The following ANK3 variants were observed in gnomAD, a reference collection of about 807,000 sequenced individuals.
ANK3 encodes ankyrin 3.
ANK3 carries 57 observed loss-of-function variants against 370.9 expected under a neutral mutation model. That is an observed-to-expected ratio of 0.15 (90% CI 0.12 to 0.19). The LOEUF is 0.19. ANK3 is among the 10% of genes least tolerant of loss of function. ANK3 has a pLI of 1.00. For missense variants in ANK3, 4,439 were observed against 5,302.1 expected, an observed-to-expected ratio of 0.84 and a Z score of 5.06; for synonymous variants, 1,929 against 1,946.3, an observed-to-expected ratio of 0.99 and a Z score of 0.23.
chr10:60,688,425 G>A (rs751323454), intron 1 of ANK3, among the ~76,000 whole-genome samples: 1 of 152,124 alleles, frequency 6.6e-6, no homozygotes, highest in Non-Finnish European at 1.5e-5. Flanking sequence ...AGTTAGATCT[G>A]CCATACATTG....
chr10:60,086,630 A>T, intron 30 of ANK3, 47 bp downstream of exon 30: 1 of 1,489,242 alleles, frequency 6.7e-7, no homozygotes, highest in Non-Finnish European at 9.2e-7. Context: ...ATCTTTGTAC[A>T]CAATCTTTGT....
intron 2 of ANK3, among the ~76,000 whole-genome samples, chr10:60,549,223 G>A (rs1022824746): frequency 6.6e-6 from 1 of 151,488 alleles, no homozygotes; most frequent in Non-Finnish European, 1.5e-5. Context: ...TGGTTTTCCA[G>A]GAAATGTTAG....
intron 25 of ANK3, among the ~76,000 whole-genome samples, chr10:60,131,421 A>T (rs977938345): frequency 2.0e-5 from 3 of 152,164 alleles, no homozygotes; most frequent in Admixed American, 6.5e-5. Flanking sequence ...TTATCAACTT[A>T]AAGTTTATTT....
intron 1 of ANK3, among the ~76,000 whole-genome samples, chr10:60,698,653 C>T (rs2079500165): frequency 7.0e-6 from 1 of 143,614 alleles, no homozygotes; most frequent in African/African-American, 2.6e-5. Context: ...ATCGCAAGAA[C>T]AAAAAACCAA....
Position 60,068,886 on chromosome 10 carries a change from A to T in ANK3, c.11995T>A (p.Tyr3999Asn), listed in dbSNP as rs2082132546. ...LKEVCKHSIE[Y>N]FKGISGETLK... ...GTCTCACCACTAATTCCCTTAAAAT[A>T]TTCAATGGAATGTTTACATACTTCC... The change falls in exon 37 of 44, where the codon TAT (tyrosine) becomes AAT (asparagine). Residue 3999 changes from tyrosine (Y) to asparagine (N), a missense_variant. Physicochemically the swap from Tyr to Asn is moderately radical, Grantham distance 143. Transcript: ENST00000280772. 1 of 1,614,022 alleles carries T rather than the reference A, an allele frequency of 6.2e-7. No individual in the cohort carries two copies. Among genetic ancestry groups the T allele is most frequent in the African/African-American group, 1.3e-5 (1 of 74,908 alleles).
intron 1 of ANK3, among the ~76,000 whole-genome samples, chr10:60,305,418 C>A (rs1001534220): frequency 6.6e-6 from 1 of 151,242 alleles, no homozygotes; most frequent in Non-Finnish European, 1.5e-5. Context: ...TCCACCGAGA[C>A]CTCCCCTAGG....
intron 28 of ANK3, among the ~76,000 whole-genome samples, chr10:60,102,427 T>C (rs970090739): frequency 2.0e-5 from 3 of 152,148 alleles, no homozygotes; most frequent in African/African-American, 7.2e-5. Context: ...ATCCTCACTT[T>C]ACACATTTAA....
chr10:60,422,857 C>T (rs370215926), intron 2 of ANK3, among the ~76,000 whole-genome samples: 3 of 152,100 alleles, frequency 2.0e-5, no homozygotes, highest in Admixed American at 6.6e-5. Context: ...AGTTTTAAAA[C>T]GTGAAAATTT....
At position 60,085,210 on chromosome 10, in the gene ANK3, A is replaced by T; in HGVS notation, c.3792T>A (p.Thr1264=). The T allele has an allele frequency of 6.2e-7, 1 of 1,613,384 alleles. No individual in the cohort carries two copies. The highest frequency in any genetic ancestry group is 2.2e-5 in the East Asian group (1 of 44,794). ...CACAATCTTTTATAAACGTCAAAGG[A>T]GTTGTTCCTGTGATGTCTTCCCACT... ...PAQWEDITGT[T]PLTFIKDCVS... The change falls in exon 31 of 44, where the codon ACT becomes ACA. Residue 1264 remains threonine (T), a synonymous_variant. Coordinates refer to ENST00000280772, the MANE Select transcript of ANK3 (RefSeq NM_020987.5).
rs981899190 is a variant in ANK3, at chr10:60,279,069, T to C, written c.296A>G (p.Asn99Ser). 7 of 1,613,834 alleles carry C rather than the reference T, an allele frequency of 4.3e-6. No individual in the cohort carries two copies. The highest frequency in any genetic ancestry group is 2.2e-5 in the East Asian group (1 of 44,876). ...VVSELLQREANVDAATKKGNT... is the reference protein window; with the variant it reads ...VVSELLQREASVDAATKKGNT... ...ACTGACCTTTGTAGCTGCATCCACA[T>C]TGGCTTCTCTCTGCAGCAGCTCAGA... The change falls in exon 3 of 44, where the codon AAT becomes AGT. Residue 99 changes from asparagine to serine, a missense_variant. Around this residue, in one of 13 missense-constraint regions of ANK3, gnomAD observed 136 missense variants for 230.5 expected, o/e 0.59. Transcript: ENST00000280772.
chr10:60,157,886 A>AGAAAG (rs2095385353), intron 23 of ANK3, among the ~76,000 whole-genome samples: 1 of 132,770 alleles, frequency 7.5e-6, no homozygotes, highest in African/African-American at 2.8e-5. Flanking sequence ...GAGAGAGAAA[A>AGAAAG]AGAGAGAGAG....
At chr10:60,649,112 A>G (rs1319485548) in intron 1 of ANK3, among the ~76,000 whole-genome samples, 1 of 152,140 alleles carries the variant, frequency 6.6e-6, no homozygotes, top group Non-Finnish European at 1.5e-5. Context: ...CTCTGTTCCC[A>G]AGACAGATTC....
Position 60,311,923 on chromosome 10 carries a change from T to C in ANK3, c.115-32284A>G, listed in dbSNP as rs895948424. Among the ~76,000 whole-genome samples, 6 of 152,298 alleles carry C rather than the reference T, an allele frequency of 3.9e-5. No homozygotes were observed. In the East Asian group the frequency reaches 1.2e-3, roughly 29 times the overall value. The stretch of plus-strand genomic sequence containing the variant: ...TAATCAATTTCTCACTTATTACTGG[T>C]TCATAGTTTGTTTCCTACTTGCCTC... On this transcript the variant is annotated intron_variant, in intron 1 of 43. Transcript: ENST00000280772.
At chr10:60,186,002 C>T (rs1232245081) in intron 17 of ANK3, among the ~76,000 whole-genome samples, 1 of 152,186 alleles carries the variant, frequency 6.6e-6, no homozygotes. Flanking sequence ...CCTATCTACT[C>T]CATAAAATAG....
At chr10:60,570,336 TA>T (rs913794918) in intron 2 of ANK3, among the ~76,000 whole-genome samples, 1 of 152,132 alleles carries the variant, frequency 6.6e-6, no homozygotes, top group Non-Finnish European at 1.5e-5. Flanking sequence ...CCAGACAGTA[TA>T]AGGTGCTGTG....
intron 1 of ANK3, among the ~76,000 whole-genome samples, chr10:60,319,206 G>A (rs191897151): frequency 6.6e-6 from 1 of 152,266 alleles, no homozygotes; most frequent in Admixed American, 6.5e-5. Context: ...GCAAAGGGAT[G>A]GTTCTAGTTC....
intron 1 of ANK3, among the ~76,000 whole-genome samples, chr10:60,677,536 C>A (rs1166749452): frequency 6.6e-6 from 1 of 151,956 alleles, no homozygotes; most frequent in African/African-American, 2.4e-5. Flanking sequence ...TTTTCCTACT[C>A]TAATAAGCAG....
At chr10:60,190,393 T>C (rs1049600679) in intron 16 of ANK3, among the ~76,000 whole-genome samples, 9 of 124,152 alleles carry the variant, frequency 7.2e-5, no homozygotes, top group Non-Finnish European at 1.4e-4. Context: ...GCCTACTCTG[T>C]ATTTATTCTC....
chr10:60,048,498 T>C (rs1234289361), intron 42 of ANK3, among the ~76,000 whole-genome samples: 2 of 152,226 alleles, frequency 1.3e-5, no homozygotes, highest in Admixed American at 1.3e-4. Context: ...CCAGGACCCC[T>C]GCAGATAGCA....
Sources: gnomAD v4.1 joint callset for allele counts (sites outside exome capture counted in the v4.1 genomes callset) on GRCh38, gnomAD v4.1.1 for gene constraint, gnomAD v4.1.1 regional missense constraint, MANE v1.5 for transcripts, NCBI Gene and HGNC (gene_info 2026-07-23, HGNC 2026-07-21) for gene names.